Variants in KIF13A observed in about 807,000 individuals in gnomAD.
The protein encoded by KIF13A is kinesin family member 13A, also known as kinesin-like protein KIF13A.
Under a neutral mutation model 212.2 loss-of-function variants are expected in KIF13A, and 79 were observed. The observed-to-expected ratio is 0.37, with a 90% CI of 0.31 to 0.45. The LOEUF (loss-of-function observed/expected upper bound fraction) is 0.45. KIF13A is among the 20% of genes least tolerant of loss of function. The probability of loss-of-function intolerance (pLI) is 1.00; values close to 1 mark genes in which losing one functional copy is unlikely to be tolerated. For synonymous variants in KIF13A, 789 were observed against 808.6 expected, an observed-to-expected ratio of 0.98 and a Z score of 0.41; for missense variants, 1,901 against 2,209.0, an observed-to-expected ratio of 0.86 and a Z score of 2.79.
chr6:17,859,825 C>T (rs901117736), intron 4 of KIF13A, among the ~76,000 whole-genome samples: 4 of 151,536 alleles, frequency 2.6e-5, no homozygotes, highest in South Asian at 2.1e-4. Context: ...TTAGTAGAGA[C>T]GAGGTTTCAC....
intron 2 of KIF13A, among the ~76,000 whole-genome samples, chr6:17,929,651 T>C (rs1440103727): frequency 2.6e-5 from 4 of 152,112 alleles, no homozygotes; most frequent in South Asian, 4.1e-4. Flanking sequence ...CTGCCCGCCT[T>C]GGCCTCCCAA....
intron 3 of KIF13A, among the ~76,000 whole-genome samples, chr6:17,877,433 C>T (rs1007621149): frequency 1.3e-5 from 2 of 152,140 alleles, no homozygotes; most frequent in East Asian, 3.9e-4. Context: ...ACCACACAGG[C>T]GTAATCCAGT....
intron 25 of KIF13A, among the ~76,000 whole-genome samples, chr6:17,792,953 C>T (rs1446813961): frequency 6.6e-6 from 1 of 152,184 alleles, no homozygotes; most frequent in Non-Finnish European, 1.5e-5. Flanking sequence ...AGAGTGCTCC[C>T]GATCACATAT....
At chr6:17,819,888 C>T (rs541703356) in intron 16 of KIF13A, among the ~76,000 whole-genome samples, 1 of 152,204 alleles carries the variant, frequency 6.6e-6, no homozygotes, top group East Asian at 1.9e-4. Flanking sequence ...GGACAGGGTG[C>T]TACAGTACTT....
rs771194983 is a variant in KIF13A at position 17,764,655 on chromosome 6, T to C, written c.4873A>G (p.Ile1625Val). Residue 1625 changes from isoleucine (I) to valine (V), a missense_variant, in exon 39 of 39, where the codon ATT becomes GTT. Physicochemically the swap from Ile to Val is conservative, Grantham distance 29 (BLOSUM62 3). Around this residue, in one of 5 missense-constraint regions of KIF13A, gnomAD observed 687 missense variants for 759.1 expected, o/e 0.90. Transcript: ENST00000259711. The surrounding 1 kb of genome is among the most constrained non-coding windows in gnomAD (Gnocchi z 5.1). The stretch of plus-strand genomic sequence containing the variant: ...GTGGAGTCTGCATCCTTCGTCTGAA[T>C]GGCCAGCTGGTCTGAGCTGTCACTA... ...PSSDSSDQLAIQTKDADSTEH... is the reference protein window; with the variant it reads ...PSSDSSDQLAVQTKDADSTEH... 5 of 1,613,912 alleles carry C rather than the reference T, an allele frequency of 3.1e-6. No individual in the cohort carries two copies. In the Admixed American group the frequency reaches 8.3e-5, roughly 27 times the overall value.
At chr6:17,779,137 G>A (rs752957962) in intron 32 of KIF13A, 38 bp from the exon 33 acceptor site, 2 of 1,582,398 alleles carry the variant, frequency 1.3e-6, no homozygotes, top group Non-Finnish European at 1.7e-6. Context: ...ACTTTGATGT[G>A]AACAACGTTT....
Position 17,899,639 on chromosome 6 carries a change from T to C in KIF13A, c.147-1459A>G, listed in dbSNP as rs1180739883. 1.3e-5 allele frequency among the ~76,000 whole-genome samples: 2 copies of C among 152,168 alleles called. No individual in the cohort carries two copies. Among genetic ancestry groups the C allele is most frequent in the East Asian group, 3.9e-4 (2 of 5,180 alleles). The stretch of plus-strand genomic sequence containing the variant: ...ATTTTCTTGAAATTCCACGAATTAG[T>C]TGAAAGGGAATGAGCCCTTATTGCC... On this transcript the variant is annotated intron_variant, in intron 2 of 38. Coordinates refer to ENST00000259711, the MANE Select transcript of KIF13A (RefSeq NM_022113.6). The surrounding 1 kb of genome is among the most constrained non-coding windows in gnomAD (Gnocchi z 5.2).
chr6:17,781,115 C>A (rs1760533718), intron 30 of KIF13A, 62 bp downstream of exon 30: 1 of 1,593,394 alleles, frequency 6.3e-7, no homozygotes, highest in Non-Finnish European at 8.6e-7. Flanking sequence ...GTTTAGTGAG[C>A]AGGCCCACAA....
chr6:17,979,787 TA>T (rs1483922445), intron 2 of KIF13A, among the ~76,000 whole-genome samples: 1 of 133,258 alleles, frequency 7.5e-6, no homozygotes, highest in African/African-American at 2.8e-5. Flanking sequence ...AAAGAGAGAC[TA>T]AAAAAAGAGT....
intron 2 of KIF13A, among the ~76,000 whole-genome samples, chr6:17,946,195 G>A (rs1372742429): frequency 1.3e-5 from 2 of 152,034 alleles, no homozygotes; most frequent in Non-Finnish European, 2.9e-5. Flanking sequence ...GGCTCAAAGC[G>A]ATCCTCCCAC....
chr6:17,933,165 T>C (rs949258319), intron 2 of KIF13A, among the ~76,000 whole-genome samples: 1 of 151,906 alleles, frequency 6.6e-6, no homozygotes, highest in Non-Finnish European at 1.5e-5. Flanking sequence ...AATTTAAGAG[T>C]TGTCAAGTGA....
At chr6:17,877,911 T>C (rs1337275612) in intron 3 of KIF13A, among the ~76,000 whole-genome samples, 1 of 152,194 alleles carries the variant, frequency 6.6e-6, no homozygotes, top group Non-Finnish European at 1.5e-5. Context: ...TCAGGCCTAG[T>C]AGTAGCCATC....
At chr6:17,909,395 G>T (rs987924151) in intron 2 of KIF13A, among the ~76,000 whole-genome samples, 8 of 152,018 alleles carry the variant, frequency 5.3e-5, no homozygotes, top group Non-Finnish European at 1.0e-4. Flanking sequence ...AATTAGCCGG[G>T]TGTGGTGGCG....
intron 17 of KIF13A, chr6:17,815,599 G>C: frequency 2.3e-6 from 1 of 440,730 alleles, no homozygotes; most frequent in Non-Finnish European, 4.6e-6. Context: ...TGTCCCTTCA[G>C]CTCCTATCTC....
chr6:17,775,934 T>C (rs1340440071), intron 34 of KIF13A, among the ~76,000 whole-genome samples: 3 of 152,050 alleles, frequency 2.0e-5, no homozygotes, highest in Non-Finnish European at 4.4e-5. Flanking sequence ...CAGGCTGGAG[T>C]GCAATGGCGC....
At position 17,903,877 on chromosome 6, in the gene KIF13A, T is replaced by C. The variant is rs79606383; in HGVS notation, c.147-5697A>G. 4.3e-3 allele frequency among the ~76,000 whole-genome samples: 651 copies of C among 152,236 alleles called. 6 individuals are homozygous for C. Among genetic ancestry groups the C allele is most frequent in the African/African-American group, 0.015 (613 of 41,532 alleles). ...TACAGTTGCCAGGCGGCGTGGCTCATGCCTGTAACCCCAGTAATTTGGGAG... is the reference window on the plus strand; with the variant it reads ...TACAGTTGCCAGGCGGCGTGGCTCACGCCTGTAACCCCAGTAATTTGGGAG... On this transcript the variant is annotated intron_variant, in intron 2 of 38. Coordinates refer to ENST00000259711, the MANE Select transcript of KIF13A (RefSeq NM_022113.6).
rs1766244980 is a variant in KIF13A at position 17,838,960 on chromosome 6, C to T, written c.831-1377G>A. Among the ~76,000 whole-genome samples, 2 of 152,286 alleles carry T rather than the reference C, an allele frequency of 1.3e-5. No homozygotes were observed. Among genetic ancestry groups the T allele is most frequent in the East Asian group, 1.9e-4 (1 of 5,176 alleles). ...TCAGCCTCCTGAGTAGCTGGGATTA[C>T]AGGCGCCCGCCACCACATCTGGCTG... is the stretch of plus-strand genomic sequence containing the variant. On this transcript the variant is annotated intron_variant, in intron 9 of 38. Coordinates refer to ENST00000259711, the MANE Select transcript of KIF13A (RefSeq NM_022113.6). The surrounding 1 kb of genome is among the most constrained non-coding windows in gnomAD (Gnocchi z 4.2).
Position 17,779,699 on chromosome 6 carries a change from A to C in KIF13A, c.3847-15T>G, listed in dbSNP as rs754596268. 8.4e-7 allele frequency: 1 copy of C among 1,187,880 alleles called. No homozygotes were observed. Among genetic ancestry groups the C allele is most frequent in the Non-Finnish European group, 1.2e-6 (1 of 818,972 alleles). 73.6% of individuals were successfully genotyped at this position (1,187,880 alleles called of 1,614,324 possible). ...TGCGTGAAACTCTAGTAGAAAAAAA[A>C]AAAAGCTGTATTAAGCTATGTGACA... On this transcript the variant is annotated splice_polypyrimidine_tract_variant and intron_variant, in intron 31 of 38. Transcript: ENST00000259711.
intron 2 of KIF13A, among the ~76,000 whole-genome samples, chr6:17,959,766 G>A (rs1030849301): frequency 6.6e-5 from 10 of 152,232 alleles, no homozygotes; most frequent in East Asian, 3.8e-4. Context: ...GCTCACGCCC[G>A]TAATCCCAGC....
Sources: gnomAD v4.1 joint callset for allele counts (sites outside exome capture counted in the v4.1 genomes callset) on GRCh38, gnomAD v4.1.1 for gene constraint, gnomAD v4.1.1 regional missense constraint, Gnocchi (gnomAD v3.1) non-coding constraint, MANE v1.5 for transcripts, NCBI Gene and HGNC (gene_info 2026-07-23, HGNC 2026-07-21) for gene names.